FCRLB: variants seen among roughly 807,000 people sequenced by gnomAD.
FCRLB encodes Fc receptor like B, also known as Fc receptor-like B.
In FCRLB, 34 loss-of-function variants were observed where a neutral mutation model predicts 33.6. The ratio of observed to expected loss-of-function variants is 1.01; its 90% confidence interval spans 0.77 to 1.35. FCRLB has a LOEUF of 1.35. Ranked by LOEUF, FCRLB falls within the 40% of genes most tolerant of loss-of-function variation. The probability of loss-of-function intolerance (pLI) is 0.00; values close to 1 mark genes in which losing one functional copy is unlikely to be tolerated. For synonymous variants in FCRLB, 280 were observed against 255.9 expected, an observed-to-expected ratio of 1.09 and a Z score of -0.90; for missense variants, 560 against 580.2, an observed-to-expected ratio of 0.97 and a Z score of 0.36.
At chr1:161,727,069 A>ACCCCCCCCCCCCTGTTTCC in intron 7 of FCRLB, 76 bp downstream of exon 7, 1 of 1,350,508 alleles carries the variant, frequency 7.4e-7, no homozygotes, top group East Asian at 3.0e-5. Flanking sequence ...CCCACGAATC[A>ACCCCCCCCCCCCTGTTTCC]CCCCCGCCCC....
At position 161,726,985 on chromosome 1, in the gene FCRLB, C is replaced by T. The variant is rs779635636; in HGVS notation, c.857C>T (p.Pro286Leu). 15 of 1,522,044 alleles carry T rather than the reference C, an allele frequency of 9.9e-6. No individual in the cohort carries two copies. Among genetic ancestry groups the T allele is most frequent in the Non-Finnish European group, 1.1e-5 (13 of 1,134,942 alleles). The allele number at this position is 1,522,044 out of a possible 1,614,324, so 94.3% of individuals were successfully genotyped here. A position where few individuals can be genotyped will look rare whatever the true frequency, so the allele number is the denominator to read the frequency against. The change falls in exon 7 of 8, where the codon CCG becomes CTG. Residue 286 changes from proline (P) to leucine (L), a missense_variant. Physicochemically the swap from Pro to Leu is moderately conservative, Grantham distance 98 (BLOSUM62 -3). Transcript: ENST00000367948. The surrounding 1 kb of genome is among the most constrained non-coding windows in gnomAD (Gnocchi z 5.2). ...AAACGCAGTCCGTGGCTGCAGCTCC[C>T]GGGGCCGGGTGAGTGCCTGCACACC...
At chr1:161,727,157 A>T (rs1259695241) in intron 7 of FCRLB, 90 bp from the exon 8 acceptor site, 10 of 1,002,328 alleles carry the variant, frequency 1.0e-5, no homozygotes, top group Non-Finnish European at 1.3e-5. Context: ...GGCCTTCCCC[A>T]TCCCCGCCCA....
In FCRLB at chr1:161,722,677, G is replaced by A; in HGVS notation, c.5G>A (p.Trp2Ter). ...GCTGCTGCAGTCAGATCCATCATGT[G>A]GCCACTGACAGCCCTTCTGCTCCTG... Residue 2 changes from tryptophan (W) to a stop codon, truncating the protein, a stop_gained, in exon 3 of 8, where the codon TGG (tryptophan) becomes TAG (stop). Coordinates refer to ENST00000367948, the Ensembl canonical transcript of FCRLB. LOFTEE classifies it high-confidence loss of function. 6.2e-7 allele frequency: 1 copy of A among 1,614,090 alleles called. No homozygotes were observed. The highest frequency in any genetic ancestry group is 8.5e-7 in the Non-Finnish European group (1 of 1,179,960).
chr1:161,722,516 G>T, intron 2 of FCRLB, 137 bp from the exon 3 acceptor site: 2 of 796,356 alleles, frequency 2.5e-6, no homozygotes, highest in South Asian at 1.6e-5. Flanking sequence ...TCTCCCACTG[G>T]TTCTGGTCTG....
Position 161,726,982 on chromosome 1 carries a change from T to C in FCRLB, c.854T>C (p.Leu285Pro). The C allele has an allele frequency of 6.6e-7, 1 of 1,523,276 alleles. No homozygotes were observed. Among genetic ancestry groups the C allele is most frequent in the Non-Finnish European group, 8.8e-7 (1 of 1,135,336 alleles). The allele number at this position is 1,523,276 out of a possible 1,614,324, so 94.4% of individuals were successfully genotyped here. A position where few individuals can be genotyped will look rare whatever the true frequency, so the allele number is the denominator to read the frequency against. Residue 285 changes from leucine (L) to proline (P), a missense_variant, in exon 7 of 8, where the codon CTC (leucine) becomes CCC (proline). Leu to Pro is a moderately conservative substitution (Grantham distance 98). Transcript: ENST00000367948. The surrounding 1 kb of genome is among the most constrained non-coding windows in gnomAD (Gnocchi z 5.2). Reference sequence around the variant, plus strand: ...CGGAAACGCAGTCCGTGGCTGCAGCTCCCGGGGCCGGGTGAGTGCCTGCAC... The same window carrying C: ...CGGAAACGCAGTCCGTGGCTGCAGCCCCCGGGGCCGGGTGAGTGCCTGCAC...
At chr1:161,723,746 C>A in intron 5 of FCRLB, 125 bp downstream of exon 5, 1 of 1,402,048 alleles carries the variant, frequency 7.1e-7, no homozygotes, top group Non-Finnish European at 9.5e-7. Flanking sequence ...TGGGGCCTAT[C>A]TTAAGTCTCT....
intron 3 of FCRLB, 121 bp from the exon 4 acceptor site, chr1:161,722,868 A>G (rs1409641807): frequency 9.3e-6 from 14 of 1,508,280 alleles, no homozygotes; most frequent in Non-Finnish European, 1.2e-5. Flanking sequence ...TTGGGAAACC[A>G]GGGGCAGAAG....
intron 2 of FCRLB, 123 bp from the exon 3 acceptor site, chr1:161,722,530 T>C: frequency 1.1e-6 from 1 of 905,546 alleles, no homozygotes; most frequent in South Asian, 1.5e-5. Context: ...TGGTCTGCTA[T>C]CTTCAGGAAC....
At position 161,726,383 on chromosome 1, in the gene FCRLB, A is replaced by G. The variant is rs531294203; in HGVS notation, c.574+296A>G. Reference sequence around the variant, plus strand: ...GGCCACTGTGGGACTGGGACGAAGGAGCGACTCCCTAGCGTCCTGCAAGGC... The same window carrying G: ...GGCCACTGTGGGACTGGGACGAAGGGGCGACTCCCTAGCGTCCTGCAAGGC... On this transcript the variant is annotated intron_variant, in intron 6 of 7. Transcript: ENST00000367948. The surrounding 1 kb of genome is among the most constrained non-coding windows in gnomAD (Gnocchi z 5.2). The G allele has an allele frequency of 1.4e-6, 1 of 721,692 alleles. No individual in the cohort carries two copies. The highest frequency in any genetic ancestry group is 2.7e-5 in the East Asian group (1 of 36,672). 44.7% of individuals were successfully genotyped at this position (721,692 alleles called of 1,614,324 possible).
At chr1:161,723,445 G>A in exon 5 of FCRLB, 1 of 1,614,200 alleles carries the variant, frequency 6.2e-7, no homozygotes, top group Non-Finnish European at 8.5e-7. Flanking sequence ...ACTTTGAAGT[G>A]TGATGGATAC....
At chr1:161,723,503 G>T (rs1683442654) in exon 5 of FCRLB, 7 of 1,614,154 alleles carry the variant, frequency 4.3e-6, no homozygotes, top group Non-Finnish European at 5.9e-6. Context: ...TCTGGTATTT[G>T]GGCCACCTAC....
rs1041020192 is a variant in FCRLB at position 161,725,891 on chromosome 1, C to T, written c.378C>T (p.Gly126=). ...AGCCGCTAGTCCTGCGCTGCCGCGG[C>T]TGGTACGACAAGGTGGTCTACAAGC... is the stretch of plus-strand genomic sequence containing the variant. The change falls in exon 6 of 8, where the codon GGC becomes GGT. Residue 126 remains glycine, a synonymous_variant. Coordinates refer to ENST00000367948, the Ensembl canonical transcript of FCRLB. The T allele has an allele frequency of 5.6e-6, 9 of 1,614,102 alleles. No homozygotes were observed. The African/African-American group carries it at 1.1e-4, about 19-fold the overall frequency.
At chr1:161,724,334 G>C (rs1683471867) in intron 5 of FCRLB, among the ~76,000 whole-genome samples, 1 of 150,814 alleles carries the variant, frequency 6.6e-6, no homozygotes, top group Non-Finnish European at 1.5e-5. Context: ...TCAAGCCTGT[G>C]ATCCCAGCAC....
At chr1:161,727,669 G>T (rs373527568) in exon 8 of FCRLB, 2 of 1,583,102 alleles carry the variant, frequency 1.3e-6, no homozygotes, top group East Asian at 2.3e-5. Context: ...CTGAGGGGGC[G>T]GCTACCGTCC....
Position 161,726,871 on chromosome 1 carries a change from G to C in FCRLB, c.743G>C (p.Trp248Ser), listed in dbSNP as rs1279168725. The C allele has an allele frequency of 1.3e-5, 20 of 1,581,352 alleles. No individual in the cohort carries two copies. The highest frequency in any genetic ancestry group is 1.6e-5 in the Non-Finnish European group (19 of 1,163,418). ...AGCCGCGCGGTGCGCCGCTTCGACT[G>C]GGGCGCCGAGTACACAGTCCCGGAG... The change falls in exon 7 of 8, where the codon TGG (tryptophan) becomes TCG (serine). Residue 248 changes from tryptophan to serine, a missense_variant. Transcript: ENST00000367948. The surrounding 1 kb of genome is among the most constrained non-coding windows in gnomAD (Gnocchi z 5.2).
chr1:161,726,355 A>G lies in FCRLB; in HGVS notation c.574+268A>G, dbSNP rs1571083206. 1 of 733,650 alleles carries G rather than the reference A, an allele frequency of 1.4e-6. No homozygotes were observed. The highest frequency in any genetic ancestry group is 2.4e-6 in the Non-Finnish European group (1 of 417,628). The allele number at this position is 733,650 out of a possible 1,614,324, so 45.4% of individuals were successfully genotyped here. On this transcript the variant is annotated intron_variant, in intron 6 of 7. Transcript: ENST00000367948. The surrounding 1 kb of genome is among the most constrained non-coding windows in gnomAD (Gnocchi z 5.2). ...CAGAGAGGGCAGCTCTGGCAGGGGCAGGGGCCACTGTGGGACTGGGACGAA... is the reference window on the plus strand; with the variant it reads ...CAGAGAGGGCAGCTCTGGCAGGGGCGGGGGCCACTGTGGGACTGGGACGAA...
intron 1 of FCRLB, 44 bp from the exon 2 acceptor site, chr1:161,721,711 C>G (rs534779681): frequency 4.6e-5 from 7 of 152,290 alleles, no homozygotes; most frequent in Admixed American, 6.5e-5. Flanking sequence ...CTGGAAAATT[C>G]ATTAAGTATT....
Position 161,726,268 on chromosome 1 carries a change from T to C in FCRLB, c.574+181T>C, listed in dbSNP as rs1230191238. On this transcript the variant is annotated intron_variant, in intron 6 of 7. Transcript: ENST00000367948. This position sits in a 1 kb window ranked among gnomAD's most constrained non-coding sequence, Gnocchi z 5.2. ...AAGCAGCGCTTGATCCGCCGCCTGCTTGGAGGCTGGTCCCTTTCCCCGACG... is the reference window on the plus strand; with the variant it reads ...AAGCAGCGCTTGATCCGCCGCCTGCCTGGAGGCTGGTCCCTTTCCCCGACG... 4 of 1,092,434 alleles carry C rather than the reference T, an allele frequency of 3.7e-6. No homozygotes were observed. The highest frequency in any genetic ancestry group is 2.0e-5 in the Admixed American group (1 of 50,494). The allele number at this position is 1,092,434 out of a possible 1,614,324, so 67.7% of individuals were successfully genotyped here.
exon 8 of FCRLB, chr1:161,727,361 T>C: frequency 6.2e-7 from 1 of 1,613,706 alleles, no homozygotes; most frequent in Non-Finnish European, 8.5e-7. Context: ...TCGGTCCCGT[T>C]GGTCACCTCC....
Sources: allele counts gnomAD v4.1 joint callset (sites outside exome capture counted in the v4.1 genomes callset), GRCh38; gene constraint gnomAD v4.1.1; non-coding constraint Gnocchi (gnomAD v3.1); transcripts MANE v1.5; gene names NCBI Gene and HGNC (gene_info 2026-07-23, HGNC 2026-07-21).